LIN9: variants seen among roughly 807,000 people sequenced by gnomAD.
The protein encoded by LIN9 is lin-9 DREAM MuvB core complex component, also known as protein lin-9 homolog.
In LIN9, 18 loss-of-function variants were observed where a neutral mutation model predicts 78.0. The observed-to-expected ratio is 0.23, with a 90% CI of 0.16 to 0.34. The LOEUF is 0.34. Ranked by LOEUF, LIN9 falls within the 10% of genes least tolerant of loss-of-function variation. The pLI, the probability that LIN9 is intolerant of heterozygous loss-of-function variation, is 1.00. For synonymous variants in LIN9, 192 were observed against 215.2 expected (o/e 0.89, Z 0.94); for missense variants, 451 against 644.1 (o/e 0.70, Z 3.25).
intron 6 of LIN9, among the ~76,000 whole-genome samples, chr1:226,282,242 G>A (rs1262249999): frequency 6.6e-6 from 1 of 152,100 alleles, no homozygotes; most frequent in East Asian, 1.9e-4. Context: ...CCCCATTTAT[G>A]GACTTTTAGG....
chr1:226,260,628 G>GTTTTTTTTTTTTTTTTTTTTTTTTTTTT (rs559460640), intron 10 of LIN9, among the ~76,000 whole-genome samples: 3 of 73,436 alleles, frequency 4.1e-5, no homozygotes, highest in African/African-American at 1.5e-4. Flanking sequence ...GGCCAAATGA[G>GTTTTTTTTTTTTTTTTTTTTTTTTTTTT]TTTTTTTTTT....
intron 8 of LIN9, 118 bp from the exon 9 acceptor site, chr1:226,266,450 TTTA>T: frequency 4.4e-6 from 3 of 675,508 alleles, no homozygotes; most frequent in Non-Finnish European, 6.6e-6. Context: ...TCATATAGAA[TTTA>T]TTACTTATAT....
At chr1:226,295,141 C>A (rs548057191) in intron 4 of LIN9, among the ~76,000 whole-genome samples, 3 of 151,946 alleles carry the variant, frequency 2.0e-5, no homozygotes, top group African/African-American at 4.8e-5. Context: ...TAAGGAGATA[C>A]GATTTCATGC....
rs374813164 is a variant in LIN9 at position 226,286,646 on chromosome 1, G to A, written c.399-188C>T. 1.8e-4 allele frequency among the ~76,000 whole-genome samples: 28 copies of A among 152,286 alleles called. No homozygotes were observed. In the East Asian group the frequency reaches 4.6e-3, roughly 25 times the overall value. On this transcript the variant is annotated intron_variant, in intron 5 of 14. Transcript: ENST00000681046. ...CTAATGTCGTGTAAAAGTTGCTCAG[G>A]AAATATTATTTGTGTTGTGATTCCA... is the stretch of plus-strand genomic sequence containing the variant.
intron 3 of LIN9, among the ~76,000 whole-genome samples, chr1:226,296,887 G>C (rs941254106): frequency 6.6e-6 from 1 of 152,118 alleles, no homozygotes; most frequent in Non-Finnish European, 1.5e-5. Context: ...AGCTGGGCGT[G>C]GTGGCACACA....
At chr1:226,290,542 G>T (rs957244419) in intron 4 of LIN9, among the ~76,000 whole-genome samples, 1 of 151,740 alleles carries the variant, frequency 6.6e-6, no homozygotes, top group East Asian at 2.0e-4. Flanking sequence ...GGGTTTCACC[G>T]TGTTAGCCAG....
intron 6 of LIN9, among the ~76,000 whole-genome samples, chr1:226,280,453 T>C (rs559982601): frequency 3.4e-4 from 52 of 152,246 alleles, no homozygotes; most frequent in Non-Finnish European, 6.0e-4. Context: ...CAAAGGATAA[T>C]GAGTTACTAG....
chr1:226,285,362 ACAT>A (rs1304465746), intron 6 of LIN9, among the ~76,000 whole-genome samples: 8 of 152,182 alleles, frequency 5.3e-5, no homozygotes, highest in African/African-American at 7.2e-5. Context: ...AATATTAAAA[ACAT>A]CATCATCAAG....
At chr1:226,285,992 T>C (rs983442414) in intron 6 of LIN9, among the ~76,000 whole-genome samples, 12 of 152,186 alleles carry the variant, frequency 7.9e-5, no homozygotes, top group African/African-American at 1.4e-4. Context: ...TACATTAAAG[T>C]TGGTTAACAG....
At chr1:226,262,931 C>T (rs1036752122) in intron 10 of LIN9, among the ~76,000 whole-genome samples, 1 of 151,970 alleles carries the variant, frequency 6.6e-6, no homozygotes, top group Admixed American at 6.6e-5. Context: ...TGGTACATCC[C>T]GACAATGTAA....
At chr1:226,290,908 C>T (rs901504774) in intron 4 of LIN9, among the ~76,000 whole-genome samples, 12 of 152,008 alleles carry the variant, frequency 7.9e-5, no homozygotes, top group Admixed American at 1.3e-4. Flanking sequence ...AGGCACGTGC[C>T]GCCACACCTG....
intron 6 of LIN9, among the ~76,000 whole-genome samples, chr1:226,279,836 A>AT (rs869234482): frequency 6.6e-6 from 1 of 151,326 alleles, no homozygotes; most frequent in Admixed American, 6.6e-5. Context: ...ATTACCTTTC[A>AT]TTTTTTAAAA....
intron 12 of LIN9, among the ~76,000 whole-genome samples, chr1:226,235,587 A>G (rs1244577937): frequency 6.6e-6 from 1 of 152,192 alleles, no homozygotes; most frequent in Non-Finnish European, 1.5e-5. Context: ...AAACTGCTCC[A>G]GGGAGCATTT....
At chr1:226,251,752 A>G (rs1240498688) in intron 10 of LIN9, among the ~76,000 whole-genome samples, 1 of 152,246 alleles carries the variant, frequency 6.6e-6, no homozygotes, top group Non-Finnish European at 1.5e-5. Flanking sequence ...AAAAGGACTA[A>G]GGAGTCAATC....
chr1:226,297,762 G>C lies in LIN9; in HGVS notation c.116C>G (p.Thr39Arg), dbSNP rs774170717. ...TGTATTCCTGCCTTTCCAAACAGGT[G>C]TTTTCTGTAAAGAACTGTACTTTTC... ...WNEKYSSLQK[T>R]PVWKGRNTSS... The change falls in exon 3 of 15, where the codon ACA becomes AGA. Residue 39 changes from threonine (T) to arginine (R), a missense_variant. Thr to Arg is a moderately conservative substitution (Grantham distance 71). Transcript: ENST00000681046. The C allele has an allele frequency of 6.9e-6, 11 of 1,595,012 alleles. No individual in the cohort carries two copies. In the Admixed American group the frequency reaches 7.1e-5, roughly 10 times the overall value.
intron 11 of LIN9, 23 bp downstream of exon 11, chr1:226,250,816 G>GA (rs750200706): frequency 2.9e-3 from 3,449 of 1,195,006 alleles, no homozygotes; most frequent in Non-Finnish European, 3.3e-3. Flanking sequence ...AGCAAATGAA[G>GA]AAAAAAAAAG....
In LIN9 at chr1:226,280,347, G is replaced by A. The variant is rs75928633; in HGVS notation, c.525-2415C>T. ...AATAAGGACTGGAAATACACAGAAA[G>A]AGCTTAGCTGATAATAATGATTTTT... On this transcript the variant is annotated intron_variant, in intron 6 of 14. Coordinates refer to ENST00000681046, the MANE Select transcript of LIN9 (RefSeq NM_001366245.2). Among the ~76,000 whole-genome samples, 630 of 152,304 alleles carry A rather than the reference G, an allele frequency of 4.1e-3. 26 individuals are homozygous for A. The South Asian group carries it at 0.075, about 18-fold the overall frequency.
chr1:226,279,774 A>G (rs1275835279), intron 6 of LIN9, among the ~76,000 whole-genome samples: 1 of 151,282 alleles, frequency 6.6e-6, no homozygotes, highest in African/African-American at 2.4e-5. Flanking sequence ...AGTCTGAAAA[A>G]AAAAAAAAAA....
At chr1:226,243,679 G>C (rs544741195) in intron 11 of LIN9, among the ~76,000 whole-genome samples, 10 of 116,392 alleles carry the variant, frequency 8.6e-5, no homozygotes, top group African/African-American at 2.4e-4. Context: ...CTGGGCAACA[G>C]AGCGAGACTC....
Sources: allele counts gnomAD v4.1 joint callset (sites outside exome capture counted in the v4.1 genomes callset), GRCh38; gene constraint gnomAD v4.1.1; transcripts MANE v1.5; gene names NCBI Gene and HGNC (gene_info 2026-07-23, HGNC 2026-07-21).